The following NRXN3 variants were observed in gnomAD, a reference collection of about 807,000 sequenced individuals.
The protein encoded by NRXN3 is neurexin III.
In NRXN3, 32 loss-of-function variants were observed where a neutral mutation model predicts 137.6. The ratio of observed to expected loss-of-function variants is 0.23; its 90% CI spans 0.18 to 0.31. The LOEUF is 0.31. NRXN3 is among the 10% of genes least tolerant of loss of function. The pLI is 1.00. For missense variants in NRXN3, 1,574 were observed against 2,062.5 expected (o/e 0.76, Z 4.59); for synonymous variants, 798 against 784.5 (o/e 1.02, Z -0.29).
intron 4 of NRXN3, among the ~76,000 whole-genome samples, chr14:78,601,820 T>C (rs993414413): frequency 2.0e-5 from 3 of 152,176 alleles, no homozygotes; most frequent in Admixed American, 2.0e-4. Context: ...ATTTTGCTTA[T>C]CAGAGTAAAT....
At chr14:78,232,591 G>A (rs1416307985) in intron 1 of NRXN3, among the ~76,000 whole-genome samples, 2 of 152,058 alleles carry the variant, frequency 1.3e-5, no homozygotes, top group African/African-American at 4.8e-5. Flanking sequence ...CGCTTTGTGG[G>A]GAAAGATCAG....
chr14:78,262,415 G>A (rs2070897244), intron 2 of NRXN3, among the ~76,000 whole-genome samples: 1 of 152,136 alleles, frequency 6.6e-6, no homozygotes, highest in Admixed American at 6.5e-5. Flanking sequence ...GGATTCAGGG[G>A]TAGAATGTCT....
chr14:78,702,694 T>G (rs750522620), intron 6 of NRXN3, among the ~76,000 whole-genome samples: 1 of 152,260 alleles, frequency 6.6e-6, no homozygotes, highest in South Asian at 2.1e-4. Flanking sequence ...TCCACCTGAC[T>G]TGGCCTCCCA....
chr14:78,397,103 G>T (rs1285889481), intron 4 of NRXN3, among the ~76,000 whole-genome samples: 1 of 152,128 alleles, frequency 6.6e-6, no homozygotes, highest in African/African-American at 2.4e-5. Flanking sequence ...AATTTTAGGG[G>T]TGCACAATTC....
At chr14:78,258,706 T>C (rs1186295393) in intron 2 of NRXN3, among the ~76,000 whole-genome samples, 1 of 152,150 alleles carries the variant, frequency 6.6e-6, no homozygotes, top group Non-Finnish European at 1.5e-5. Context: ...AGAGTGTACC[T>C]TCTTAACCTT....
Position 79,120,915 on chromosome 14 carries a change from G to A in NRXN3, c.3262+132774G>A, listed in dbSNP as rs1195716583. On this transcript the variant is annotated intron_variant, in intron 15 of 20. Coordinates refer to ENST00000335750, the MANE Select transcript of NRXN3 (RefSeq NM_001330195.2). ...CCATACTTTCCCTTTAGAATGAGGAGGATTCTAAGTAATCTTATTGTATCA... is the reference window on the plus strand; with the variant it reads ...CCATACTTTCCCTTTAGAATGAGGAAGATTCTAAGTAATCTTATTGTATCA... 2.5e-4 allele frequency among the ~76,000 whole-genome samples: 38 copies of A among 152,006 alleles called. 1 individual carries two copies. The highest frequency in any genetic ancestry group is 2.2e-3 in the Admixed American group (34 of 15,254).
intron 4 of NRXN3, among the ~76,000 whole-genome samples, chr14:78,409,265 G>A (rs1196988973): frequency 1.3e-5 from 2 of 151,946 alleles, no homozygotes; most frequent in African/African-American, 4.8e-5. Context: ...TGTGCTTTAT[G>A]TGCTGAAGTC....
intron 17 of NRXN3, among the ~76,000 whole-genome samples, chr14:79,670,414 C>T (rs2098600621): frequency 6.6e-6 from 1 of 152,034 alleles, no homozygotes; most frequent in African/African-American, 2.4e-5. Flanking sequence ...CTGTCACTTG[C>T]CAGCTTGCCC....
intron 2 of NRXN3, among the ~76,000 whole-genome samples, chr14:78,265,429 A>G (rs2153479779): frequency 6.6e-6 from 1 of 152,338 alleles, no homozygotes; most frequent in East Asian, 1.9e-4. Context: ...AGTTAGCAAT[A>G]AAACACATTT....
intron 15 of NRXN3, among the ~76,000 whole-genome samples, chr14:79,443,595 G>A (rs961851556): frequency 9.2e-5 from 14 of 152,140 alleles, no homozygotes. Context: ...TAAAATTCTG[G>A]TCTGGTCTAG....
intron 15 of NRXN3, among the ~76,000 whole-genome samples, chr14:79,158,340 G>A (rs1417344952): frequency 6.6e-6 from 1 of 151,714 alleles, no homozygotes; most frequent in Non-Finnish European, 1.5e-5. Flanking sequence ...ATATCTAATA[G>A]TGAGATTAAT....
chr14:79,240,631 G>A (rs547032044), intron 15 of NRXN3, among the ~76,000 whole-genome samples: 12 of 152,118 alleles, frequency 7.9e-5, no homozygotes, highest in African/African-American at 1.2e-4. Flanking sequence ...CTTTTCTTCT[G>A]ACAACTTTGT....
chr14:78,958,514 C>T (rs1298568769), intron 11 of NRXN3, among the ~76,000 whole-genome samples: 1 of 152,094 alleles, frequency 6.6e-6, no homozygotes, highest in Non-Finnish European at 1.5e-5. Context: ...TGCCACCACG[C>T]CTGGCTAATT....
At chr14:79,135,581 C>T (rs973657973) in intron 15 of NRXN3, among the ~76,000 whole-genome samples, 1 of 152,104 alleles carries the variant, frequency 6.6e-6, no homozygotes, top group African/African-American at 2.4e-5. Context: ...AGAGGGGTTT[C>T]TTGACAATCC....
rs113116891 is a variant in NRXN3 at position 78,668,718 on chromosome 14, C to T, written c.1221+17392C>T. Among the ~76,000 whole-genome samples, 1,305 of 152,244 alleles carry T rather than the reference C, an allele frequency of 8.6e-3. 11 individuals carry two copies. Among genetic ancestry groups the T allele is most frequent in the African/African-American group, 0.011 (460 of 41,556 alleles). ...TTTGGTTTAATGAGCCATATGGTCT[C>T]TATCACGACTATCAAACTGTCATTG... On this transcript the variant is annotated intron_variant, in intron 6 of 20. Transcript: ENST00000335750.
rs116500577 is a variant in NRXN3 at position 79,845,264 on chromosome 14, C to T, written c.4094-16078C>T. Among the ~76,000 whole-genome samples, 1,062 of 152,290 alleles carry T rather than the reference C, an allele frequency of 7.0e-3. 50 individuals carry two copies. The South Asian group carries it at 0.13, about 19-fold the overall frequency. The stretch of plus-strand genomic sequence containing the variant: ...AAGGCTGTTTTACTTTCTTATCATT[C>T]GGGTATTTACTGGAACAACAATTTT... On this transcript the variant is annotated intron_variant, in intron 20 of 20. Transcript: ENST00000335750.
At chr14:79,596,500 GA>G (rs2097859814) in intron 16 of NRXN3, among the ~76,000 whole-genome samples, 1 of 152,134 alleles carries the variant, frequency 6.6e-6, no homozygotes, top group Admixed American at 6.5e-5. Flanking sequence ...AAAGAAACAC[GA>G]AAAGCGGCTC....
chr14:79,277,426 A>G (rs2080466849), intron 15 of NRXN3, among the ~76,000 whole-genome samples: 1 of 152,178 alleles, frequency 6.6e-6, no homozygotes, highest in South Asian at 2.1e-4. Flanking sequence ...GGAAATTATC[A>G]TGGATATTTA....
rs146544587 is a variant in NRXN3, at chr14:79,606,807, C to A, written c.3445-56971C>A. On this transcript the variant is annotated intron_variant, in intron 16 of 20. Transcript: ENST00000335750. ...ATAATTACAAGCTAATACATGGGTACCACTGTTCTAGGCACAGCGTGGCAG... is the reference window on the plus strand; with the variant it reads ...ATAATTACAAGCTAATACATGGGTAACACTGTTCTAGGCACAGCGTGGCAG... 3.1e-3 allele frequency among the ~76,000 whole-genome samples: 473 copies of A among 152,262 alleles called. 4 individuals carry two copies. The highest frequency in any genetic ancestry group is 0.011 in the African/African-American group (450 of 41,522).
Sources: allele counts gnomAD v4.1 joint callset (sites outside exome capture counted in the v4.1 genomes callset), GRCh38; gene constraint gnomAD v4.1.1; transcripts MANE v1.5; gene names NCBI Gene and HGNC (gene_info 2026-07-23, HGNC 2026-07-21).